Variants in ELP3 observed in about 807,000 individuals in gnomAD.
The protein encoded by ELP3 is elongator complex protein 3.
A neutral mutation model predicts 74.9 loss-of-function variants in ELP3; 56 were observed. The observed-to-expected ratio is 0.75, with a 90% CI of 0.60 to 0.93. ELP3 has a LOEUF of 0.93. Among genes scored for constraint, ELP3 ranks in the 40% least tolerant of loss-of-function variants. The probability of loss-of-function intolerance (pLI) is 0.00; values close to 1 mark genes in which losing one functional copy is unlikely to be tolerated. For synonymous variants in ELP3, 222 were observed against 239.8 expected (o/e 0.93, Z 0.68); for missense variants, 573 against 686.5 (o/e 0.83, Z 1.85).
At position 28,129,544 on chromosome 8, in the gene ELP3, T is replaced by C; in HGVS notation, c.660T>C (p.Ile220=). The C allele has an allele frequency of 6.2e-7, 1 of 1,614,208 alleles. No individual in the cohort carries two copies. Among genetic ancestry groups the C allele is most frequent in the Non-Finnish European group, 8.5e-7 (1 of 1,180,012 alleles). ...TCACAAAGTGTATTGGAATTACTAT[T>C]GAAACCAGACCAGATTACTGCATGA... is the stretch of plus-strand genomic sequence containing the variant. ...RSLTKCIGIT[I]ETRPDYCMKR... Residue 220 remains isoleucine (I), a synonymous_variant, in exon 8 of 15, where the codon ATT becomes ATC. Coordinates refer to ENST00000256398, the MANE Select transcript of ELP3 (RefSeq NM_018091.6).
rs936174166 is a variant in ELP3 at position 28,189,889 on chromosome 8, A to T, written c.*164A>T. 1 of 686,084 alleles carries T rather than the reference A, an allele frequency of 1.5e-6. No individual in the cohort carries two copies. Among genetic ancestry groups the T allele is most frequent in the African/African-American group, 1.8e-5 (1 of 55,874 alleles). The allele number at this position is 686,084 out of a possible 1,614,324, so 42.5% of individuals were successfully genotyped here. On this transcript the variant is annotated 3_prime_UTR_variant, in exon 15 of 15. Transcript: ENST00000256398. ...ACTGCCTTCAAGGCCACGGCTGGTC[A>T]TCTGCTGACCACACCCCAGATCCGC... is the stretch of plus-strand genomic sequence containing the variant.
intron 7 of ELP3, among the ~76,000 whole-genome samples, chr8:28,128,996 A>G (rs181798647): frequency 1.2e-4 from 18 of 152,360 alleles, no homozygotes; most frequent in African/African-American, 4.3e-4. Flanking sequence ...TATATAGAAG[A>G]CATTTCATCT....
At chr8:28,093,009 G>T, upstream of ELP3, 2 of 756,712 alleles carry the variant, frequency 2.6e-6, no homozygotes, top group Non-Finnish European at 4.5e-6. Context: ...CGCAGCCTAG[G>T]GGCCTCACGG....
chr8:28,100,003 G>A, intron 3 of ELP3, 37 bp downstream of exon 3: 2 of 1,613,554 alleles, frequency 1.2e-6, no homozygotes, highest in Non-Finnish European at 1.7e-6. Context: ...GACACACTGG[G>A]TATCTGTTCT....
chr8:28,149,119 G>A (rs1813545494), intron 10 of ELP3, among the ~76,000 whole-genome samples: 1 of 152,194 alleles, frequency 6.6e-6, no homozygotes, highest in South Asian at 2.1e-4. Context: ...CACCAGAACT[G>A]GAAGAAATAA....
At position 28,140,758 on chromosome 8, in the gene ELP3, T is replaced by C. The variant is rs138687076; in HGVS notation, c.1100+2867T>C. Among the ~76,000 whole-genome samples, 119 of 152,334 alleles carry C rather than the reference T, an allele frequency of 7.8e-4. 1 individual carries two copies. In the East Asian group the frequency reaches 0.018, roughly 22 times the overall value. ...TTAGTATGGCCCCCAAGCATAGTAC[T>C]GAAGTGCTGGCTATTGCTCCTGAGT... On this transcript the variant is annotated intron_variant, in intron 10 of 14. Transcript: ENST00000256398.
At chr8:28,122,688 G>A (rs193121703) in intron 7 of ELP3, among the ~76,000 whole-genome samples, 184 of 152,138 alleles carry the variant, frequency 1.2e-3, no homozygotes, top group African/African-American at 4.2e-3. Flanking sequence ...TTGTTTACCC[G>A]AGTTAGGGGT....
At position 28,137,689 on chromosome 8, in the gene ELP3, TA is replaced by T. The variant is rs757671615; in HGVS notation, c.907-8del. 16 of 1,610,764 alleles carry T rather than the reference TA, an allele frequency of 9.9e-6. No homozygotes were observed. The highest frequency in any genetic ancestry group is 1.4e-5 in the Non-Finnish European group (16 of 1,178,926). On this transcript the variant is annotated splice_region_variant and splice_polypyrimidine_tract_variant and intron_variant, in intron 9 of 14. Transcript: ENST00000256398. Reference sequence around the variant, plus strand: ...AATGGAGAAGTCATTTTCTGTTCTCTATTCACAGGAGTTTTTTGAGAACCCT... The same window carrying T: ...AATGGAGAAGTCATTTTCTGTTCTCTTTCACAGGAGTTTTTTGAGAACCCT...
chr8:28,139,025 G>A (rs977870516), intron 10 of ELP3, among the ~76,000 whole-genome samples: 1 of 152,110 alleles, frequency 6.6e-6, no homozygotes, highest in Admixed American at 6.5e-5. Flanking sequence ...GTATCCACAT[G>A]CAGGAGGCAG....
At chr8:28,116,706 T>G (rs1812151674) in intron 7 of ELP3, among the ~76,000 whole-genome samples, 1 of 152,152 alleles carries the variant, frequency 6.6e-6, no homozygotes. Flanking sequence ...ACTACTGCAC[T>G]CCAGCCTGGG....
chr8:28,104,125 C>G (rs770061708), intron 3 of ELP3, among the ~76,000 whole-genome samples: 1 of 152,128 alleles, frequency 6.6e-6, no homozygotes, highest in African/African-American at 2.4e-5. Flanking sequence ...AGCATCTTTC[C>G]GTATACTTAT....
intron 3 of ELP3, among the ~76,000 whole-genome samples, chr8:28,101,103 T>C (rs1312908698): frequency 6.9e-6 from 1 of 144,120 alleles, no homozygotes; most frequent in African/African-American, 3.0e-5. Flanking sequence ...TTGTTTTGTT[T>C]TGTTTGTTTG....
chr8:28,184,293 T>C (rs1815145040), intron 14 of ELP3, among the ~76,000 whole-genome samples: 1 of 152,152 alleles, frequency 6.6e-6, no homozygotes, highest in South Asian at 2.1e-4. Context: ...GGAGACAGTG[T>C]TCCATCTCAG....
chr8:28,106,593 G>A, intron 3 of ELP3, 120 bp from the exon 4 acceptor site: 1 of 465,158 alleles, frequency 2.1e-6, no homozygotes, highest in Non-Finnish European at 4.1e-6. Flanking sequence ...CAATACCTTT[G>A]AAGCCCCTTT....
chr8:28,174,532 C>G (rs1379039438), intron 14 of ELP3, among the ~76,000 whole-genome samples: 1 of 152,060 alleles, frequency 6.6e-6, no homozygotes, highest in Non-Finnish European at 1.5e-5. Flanking sequence ...AAACACTCTG[C>G]TCCTATACAT....
At chr8:28,151,911 T>C (rs1359956674) in intron 10 of ELP3, among the ~76,000 whole-genome samples, 1 of 152,214 alleles carries the variant, frequency 6.6e-6, no homozygotes, top group Non-Finnish European at 1.5e-5. Context: ...TGGAGGTAAA[T>C]CTCACAATAT....
chr8:28,167,625 C>A (rs1384293918), intron 14 of ELP3, among the ~76,000 whole-genome samples: 4 of 152,188 alleles, frequency 2.6e-5, no homozygotes, highest in Non-Finnish European at 1.5e-5. Flanking sequence ...AGGAAGCCTG[C>A]CAAATGCAGA....
At chr8:28,101,311 T>A (rs1028366178) in intron 3 of ELP3, among the ~76,000 whole-genome samples, 3 of 150,830 alleles carry the variant, frequency 2.0e-5, no homozygotes, top group African/African-American at 4.9e-5. Context: ...TCCCAGCTAC[T>A]CCAGAGGCTG....
intron 3 of ELP3, 81 bp from the exon 4 acceptor site, chr8:28,106,632 T>G (rs1179775739): frequency 5.1e-6 from 6 of 1,171,242 alleles, no homozygotes; most frequent in African/African-American, 3.1e-5. Flanking sequence ...ATTCCTCTCC[T>G]TCCTTCCGAG....
Sources: allele counts gnomAD v4.1 joint callset (sites outside exome capture counted in the v4.1 genomes callset), GRCh38; gene constraint gnomAD v4.1.1; transcripts MANE v1.5; gene names NCBI Gene and HGNC (gene_info 2026-07-23, HGNC 2026-07-21).